Variants in LRBA observed in about 807,000 individuals in gnomAD.
The protein encoded by LRBA is lipopolysaccharide-responsive and beige-like anchor protein.
A neutral mutation model predicts 330.0 loss-of-function variants in LRBA; 176 were observed. That is an observed-to-expected ratio of 0.53 (90% confidence interval 0.47 to 0.60). The LOEUF is 0.60. Among genes scored for constraint, LRBA ranks in the 20% least tolerant of loss-of-function variants. LRBA has a pLI of 0.00. For missense variants in LRBA, 3,259 were observed against 3,444.8 expected, an observed-to-expected ratio of 0.95 and a Z score of 1.35; for synonymous variants, 1,230 against 1,193.0, an observed-to-expected ratio of 1.03 and a Z score of -0.64.
At chr4:150,353,544 C>A (rs185569847) in intron 47 of LRBA, among the ~76,000 whole-genome samples, 1 of 152,134 alleles carries the variant, frequency 6.6e-6, no homozygotes, top group African/African-American at 2.4e-5. Flanking sequence ...ATTTTCCTTA[C>A]GGTTGACTAC....
chr4:150,803,452 A>T (rs1424253333), intron 33 of LRBA, among the ~76,000 whole-genome samples: 1 of 152,132 alleles, frequency 6.6e-6, no homozygotes, highest in Non-Finnish European at 1.5e-5. Context: ...TGAAAATTTG[A>T]AATTTTCATT....
intron 35 of LRBA, among the ~76,000 whole-genome samples, chr4:150,741,703 C>T (rs1162532596): frequency 6.6e-6 from 1 of 152,080 alleles, no homozygotes; most frequent in Non-Finnish European, 1.5e-5. Context: ...CAATATTATG[C>T]ATAACAATAT....
intron 47 of LRBA, among the ~76,000 whole-genome samples, chr4:150,394,910 A>T (rs1744513752): frequency 6.6e-6 from 1 of 152,186 alleles, no homozygotes; most frequent in African/African-American, 2.4e-5. Context: ...ATATGCTTGT[A>T]GTCATGGCTT....
intron 31 of LRBA, among the ~76,000 whole-genome samples, chr4:150,814,475 A>G (rs1338100106): frequency 6.6e-5 from 10 of 152,050 alleles, no homozygotes; most frequent in Admixed American, 5.9e-4. Flanking sequence ...GGAATAAAAT[A>G]GAAGCAATAC....
At chr4:150,708,251 T>G (rs1383265083) in intron 36 of LRBA, among the ~76,000 whole-genome samples, 1 of 151,894 alleles carries the variant, frequency 6.6e-6, no homozygotes, top group African/African-American at 2.4e-5. Flanking sequence ...AGAGCAGAGA[T>G]AACTCAATTC....
chr4:150,688,253 G>T (rs1783801586), intron 36 of LRBA, among the ~76,000 whole-genome samples: 1 of 152,206 alleles, frequency 6.6e-6, no homozygotes, highest in African/African-American at 2.4e-5. Context: ...CTAGCCATAT[G>T]CAGAAAACTG....
intron 37 of LRBA, among the ~76,000 whole-genome samples, chr4:150,636,836 T>C (rs1196621974): frequency 1.3e-5 from 2 of 152,168 alleles, no homozygotes; most frequent in African/African-American, 4.8e-5. Context: ...TGTATAAAGA[T>C]GAAGTATTAC....
In LRBA at chr4:150,987,728, G is replaced by A. The variant is rs1182421066; in HGVS notation, c.216+26699C>T. On this transcript the variant is annotated intron_variant, in intron 2 of 56. Coordinates refer to ENST00000651943, the MANE Select transcript of LRBA (RefSeq NM_001364905.1). ...ATCCAAAAAAAAAAACAGGCCAGGC[G>A]CGGTGGCTCACACCTGTAATCCCAG... Among the ~76,000 whole-genome samples the A allele has an allele frequency of 4.6e-5, 7 of 150,714 alleles. No homozygotes were observed. In the South Asian group the frequency reaches 1.1e-3, roughly 23 times the overall value.
At chr4:151,003,265 C>T (rs1218709522) in intron 2 of LRBA, among the ~76,000 whole-genome samples, 3 of 151,578 alleles carry the variant, frequency 2.0e-5, no homozygotes, top group African/African-American at 7.3e-5. Flanking sequence ...GGCATGGTGG[C>T]GCACACCTGT....
intron 2 of LRBA, among the ~76,000 whole-genome samples, chr4:150,944,671 A>G (rs1284726539): frequency 1.3e-5 from 2 of 152,190 alleles, no homozygotes; most frequent in African/African-American, 4.8e-5. Flanking sequence ...CTCTATACCT[A>G]TGTATTAAGA....
intron 47 of LRBA, among the ~76,000 whole-genome samples, chr4:150,372,115 C>T (rs953022902): frequency 2.6e-5 from 4 of 152,204 alleles, no homozygotes; most frequent in Non-Finnish European, 4.4e-5. Flanking sequence ...GTCAGATGCT[C>T]GTTATGCTAA....
In LRBA at chr4:150,956,168, T is replaced by C. The variant is rs72721708; in HGVS notation, c.217-27103A>G. Among the ~76,000 whole-genome samples the C allele has an allele frequency of 1.1e-3, 168 of 148,864 alleles. 1 individual carries two copies. Among genetic ancestry groups the C allele is most frequent in the Non-Finnish European group, 1.7e-3 (113 of 67,978 alleles). On this transcript the variant is annotated intron_variant, in intron 2 of 56. Coordinates refer to ENST00000651943, the MANE Select transcript of LRBA (RefSeq NM_001364905.1). ...CCAAGAAGAAAAGAGAAGACTCAAA[T>C]TACTAAAATCAGAAATGAGAGTGCA...
At chr4:150,293,289 A>G (rs1318581862) in intron 53 of LRBA, among the ~76,000 whole-genome samples, 1 of 152,212 alleles carries the variant, frequency 6.6e-6, no homozygotes, top group Non-Finnish European at 1.5e-5. Flanking sequence ...GCTTTGCTAA[A>G]GCGGAAATGA....
intron 36 of LRBA, among the ~76,000 whole-genome samples, chr4:150,703,233 A>G (rs1417540079): frequency 6.6e-6 from 1 of 152,226 alleles, no homozygotes; most frequent in Non-Finnish European, 1.5e-5. Context: ...CAATCCAGTA[A>G]GCAATGCTAG....
chr4:150,803,734 T>A (rs1446779406), intron 33 of LRBA, among the ~76,000 whole-genome samples: 2 of 152,188 alleles, frequency 1.3e-5, no homozygotes, highest in Non-Finnish European at 2.9e-5. Context: ...ATAAGAACTC[T>A]TAGATTTGTT....
chr4:150,751,096 C>T (rs1216482645), intron 35 of LRBA, among the ~76,000 whole-genome samples: 1 of 152,032 alleles, frequency 6.6e-6, no homozygotes. Context: ...TTAACAGCAA[C>T]ACCATGGAGC....
At chr4:150,853,279 G>A (rs967314677) in intron 22 of LRBA, among the ~76,000 whole-genome samples, 3 of 152,100 alleles carry the variant, frequency 2.0e-5, no homozygotes, top group Non-Finnish European at 4.4e-5. Context: ...TGTACCATTG[G>A]GAAGTGCTTT....
At chr4:150,900,333 C>A (rs1472489027) in intron 13 of LRBA, 116 bp from the exon 14 acceptor site, 3 of 650,070 alleles carry the variant, frequency 4.6e-6, no homozygotes, top group Non-Finnish European at 7.7e-6. Context: ...AGATGCTGAG[C>A]CTGATAATAA....
intron 37 of LRBA, among the ~76,000 whole-genome samples, chr4:150,647,375 T>TTTTTG (rs397995795): frequency 7.5e-6 from 1 of 133,908 alleles, no homozygotes. Flanking sequence ...TTTTTTTTTT[T>TTTTTG]GAGACAGGGT....
Sources: gnomAD v4.1 joint callset for allele counts (sites outside exome capture counted in the v4.1 genomes callset) on GRCh38, gnomAD v4.1.1 for gene constraint, MANE v1.5 for transcripts, NCBI Gene and HGNC (gene_info 2026-07-23, HGNC 2026-07-21) for gene names.